The following STAG1 variants were observed in gnomAD, a reference collection of about 807,000 sequenced individuals.
The protein encoded by STAG1 is STAG1 cohesin complex component.
In STAG1, 26 loss-of-function variants were observed where a neutral mutation model predicts 170.9. The ratio of observed to expected loss-of-function variants is 0.15; its 90% CI spans 0.11 to 0.21. STAG1 has a LOEUF of 0.21. Among genes scored for constraint, STAG1 ranks in the 10% least tolerant of loss-of-function variants. The probability of loss-of-function intolerance (pLI) is 1.00; values close to 1 mark genes in which losing one functional copy is unlikely to be tolerated. For missense variants in STAG1, 964 were observed against 1,509.5 expected, an observed-to-expected ratio of 0.64 and a Z score of 5.99; for synonymous variants, 514 against 497.7, an observed-to-expected ratio of 1.03 and a Z score of -0.44.
intron 1 of STAG1, chr3:136,737,165 A>C (rs1180701440): frequency 1.3e-6 from 1 of 762,724 alleles, no homozygotes. Flanking sequence ...GTTTCACCTC[A>C]CTGTAGAAGG....
At chr3:136,621,740 G>A (rs1170477388) in intron 3 of STAG1, among the ~76,000 whole-genome samples, 2 of 151,946 alleles carry the variant, frequency 1.3e-5, no homozygotes, top group Admixed American at 6.6e-5. Flanking sequence ...TGGCAAACAA[G>A]AGGGAAAAAT....
At chr3:136,573,903 G>A (rs1160246634) in intron 4 of STAG1, among the ~76,000 whole-genome samples, 3 of 152,106 alleles carry the variant, frequency 2.0e-5, no homozygotes, top group African/African-American at 7.2e-5. Flanking sequence ...CCTGGGAGGC[G>A]GAGTTTGCAG....
intron 1 of STAG1, among the ~76,000 whole-genome samples, chr3:136,639,190 G>GAAAAAA (rs35787641): frequency 1.4e-5 from 2 of 146,524 alleles, no homozygotes; most frequent in Non-Finnish European, 3.0e-5. Context: ...AAAAAGAAAA[G>GAAAAAA]AAAAAAAAAA....
chr3:136,672,586 C>A (rs1323990624), intron 1 of STAG1, among the ~76,000 whole-genome samples: 1 of 152,048 alleles, frequency 6.6e-6, no homozygotes, highest in Non-Finnish European at 1.5e-5. Context: ...AATAAAAAAG[C>A]TGCCACAAAA....
intron 4 of STAG1, among the ~76,000 whole-genome samples, chr3:136,589,791 C>T (rs1365173437): frequency 6.6e-6 from 1 of 151,580 alleles, no homozygotes; most frequent in Non-Finnish European, 1.5e-5. Context: ...ATTAGCTGGG[C>T]GTGGTGGCAC....
intron 20 of STAG1, among the ~76,000 whole-genome samples, chr3:136,420,561 T>A (rs150164125): frequency 1.7e-3 from 266 of 152,320 alleles, no homozygotes; most frequent in Admixed American, 5.2e-3. Flanking sequence ...GGCTGTTACA[T>A]GTCATTCACT....
At chr3:136,585,746 C>T (rs1395772457) in intron 4 of STAG1, among the ~76,000 whole-genome samples, 2 of 152,148 alleles carry the variant, frequency 1.3e-5, no homozygotes, top group Admixed American at 6.5e-5. Context: ...AAGGTCCTCA[C>T]TGGAAGTAAA....
chr3:136,581,764 G>GA (rs1285937856), intron 4 of STAG1, among the ~76,000 whole-genome samples: 4 of 151,904 alleles, frequency 2.6e-5, no homozygotes, highest in African/African-American at 7.3e-5. Context: ...AAATGGAAAT[G>GA]AAAAAATGGA....
intron 9 of STAG1, among the ~76,000 whole-genome samples, chr3:136,492,289 T>A (rs759564474): frequency 6.6e-6 from 1 of 152,228 alleles, no homozygotes; most frequent in Non-Finnish European, 1.5e-5. Flanking sequence ...TACTAGTTTA[T>A]GCAAGGTCTG....
chr3:136,629,974 C>T (rs886842030), intron 2 of STAG1, among the ~76,000 whole-genome samples: 2 of 151,818 alleles, frequency 1.3e-5, no homozygotes, highest in African/African-American at 4.8e-5. Flanking sequence ...GGTGGGCAGA[C>T]CACCTGAGGT....
At chr3:136,668,470 AAGT>A (rs1941884344) in intron 1 of STAG1, among the ~76,000 whole-genome samples, 1 of 149,036 alleles carries the variant, frequency 6.7e-6, no homozygotes, top group African/African-American at 2.4e-5. Flanking sequence ...TAAAAAAATA[AAGT>A]AGGCCCAAGA....
At chr3:136,634,859 C>T (rs1576695209) in intron 1 of STAG1, among the ~76,000 whole-genome samples, 1 of 151,752 alleles carries the variant, frequency 6.6e-6, no homozygotes, top group African/African-American at 2.4e-5. Flanking sequence ...CAAAAGAATA[C>T]GGTAAACAAC....
At chr3:136,485,981 G>A (rs1192375869) in intron 9 of STAG1, among the ~76,000 whole-genome samples, 1 of 152,138 alleles carries the variant, frequency 6.6e-6, no homozygotes, top group African/African-American at 2.4e-5. Flanking sequence ...ATTCTTGTAT[G>A]TTTCTCCCTG....
intron 5 of STAG1, among the ~76,000 whole-genome samples, chr3:136,543,165 T>C (rs993416766): frequency 1.3e-5 from 2 of 152,256 alleles, no homozygotes; most frequent in East Asian, 1.9e-4. Flanking sequence ...AAATGGGCAG[T>C]TGAGGTTTAG....
intron 1 of STAG1, among the ~76,000 whole-genome samples, chr3:136,739,002 G>A (rs1387216485): frequency 6.6e-6 from 1 of 152,072 alleles, no homozygotes; most frequent in African/African-American, 2.4e-5. Flanking sequence ...ACTCCAGAAA[G>A]TAATGTCCTA....
intron 1 of STAG1, among the ~76,000 whole-genome samples, chr3:136,665,361 G>A (rs1576735209): frequency 6.6e-6 from 1 of 152,104 alleles, no homozygotes; most frequent in Non-Finnish European, 1.5e-5. Context: ...GGCCCTTTAT[G>A]ATTTTTGTCC....
In STAG1 at chr3:136,395,871, T is replaced by C. The variant is rs114454292; in HGVS notation, c.2277+2878A>G. 5.9e-3 allele frequency among the ~76,000 whole-genome samples: 902 copies of C among 152,318 alleles called. 12 individuals carry two copies. The highest frequency in any genetic ancestry group is 0.02 in the African/African-American group (842 of 41,558). ...AAACCCTTCCTATCAAATTTTAATATATAAATTCAATCTCCTTTGACTTTA... is the reference window on the plus strand; with the variant it reads ...AAACCCTTCCTATCAAATTTTAATACATAAATTCAATCTCCTTTGACTTTA... On this transcript the variant is annotated intron_variant, in intron 22 of 33. Coordinates refer to ENST00000383202, the MANE Select transcript of STAG1 (RefSeq NM_005862.3).
intron 28 of STAG1, among the ~76,000 whole-genome samples, chr3:136,352,443 AGCCACAGC>A (rs1936469268): frequency 1.3e-5 from 2 of 152,192 alleles, no homozygotes; most frequent in Non-Finnish European, 2.9e-5. Flanking sequence ...TATAGGTGTG[AGCCACAGC>A]GCCTGGCCAA....
chr3:136,414,915 A>C (rs538844650), intron 21 of STAG1, among the ~76,000 whole-genome samples: 1 of 152,276 alleles, frequency 6.6e-6, no homozygotes, highest in Non-Finnish European at 1.5e-5. Flanking sequence ...GAGGCCTGTG[A>C]GGGAAAGGGA....
Sources: allele counts gnomAD v4.1 joint callset (sites outside exome capture counted in the v4.1 genomes callset), GRCh38; gene constraint gnomAD v4.1.1; transcripts MANE v1.5; gene names NCBI Gene and HGNC (gene_info 2026-07-23, HGNC 2026-07-21).